The following ACOT9 variants were observed in gnomAD, a reference collection of about 807,000 sequenced individuals.
The protein encoded by ACOT9 is acyl-CoA thioesterase 9.
A neutral mutation model predicts 39.7 loss-of-function variants in ACOT9; 34 were observed. The observed-to-expected ratio is 0.86, with a 90% CI of 0.65 to 1.14. The LOEUF (loss-of-function observed/expected upper bound fraction) is 1.14, where lower values mean the gene tolerates loss of function less well. Among genes scored for constraint, ACOT9 ranks in the 50% most tolerant of loss-of-function variants. ACOT9 has a pLI of 0.00. For synonymous variants in ACOT9, 110 were observed against 120.5 expected, an observed-to-expected ratio of 0.91 and a Z score of 0.57; for missense variants, 313 against 344.1, an observed-to-expected ratio of 0.91 and a Z score of 0.71.
intron 6 of ACOT9, among the ~76,000 whole-genome samples, chrX:23,727,577 G>A (rs1007758019): frequency 4.6e-5 from 5 of 109,763 alleles, no homozygotes; most frequent in Non-Finnish European, 9.5e-5. Context: ...CTCCTGCCTC[G>A]ATCTCCCAAA....
At chrX:23,731,734 G>T (rs1277523868) in intron 4 of ACOT9, among the ~76,000 whole-genome samples, 1 of 109,256 alleles carries the variant, frequency 9.2e-6, no homozygotes, top group Non-Finnish European at 1.9e-5. Context: ...CTCTCTCTCT[G>T]CCTTCAATTT....
In ACOT9 at chrX:23,743,181, C is replaced by A. The variant is rs2146868628; in HGVS notation, c.-37G>T. The A allele has an allele frequency of 1.7e-6, 2 of 1,146,713 alleles. No homozygotes were observed. Among genetic ancestry groups the A allele is most frequent in the Non-Finnish European group, 1.2e-6 (1 of 861,454 alleles). The allele number at this position is 1,146,713 out of a possible 1,213,427, so 94.5% of individuals were successfully genotyped here. ...GCCGTGCGCGCGATGGAGAACCGGG[C>A]CCCGCGCGCTAGTCGGCGGAGGGAA... On this transcript the variant is annotated 5_prime_UTR_variant, in exon 1 of 16. Transcript: ENST00000379303.
chrX:23,731,089 G>T (rs1020391104), intron 4 of ACOT9, 103 bp from the exon 5 acceptor site: 7 of 655,957 alleles, frequency 1.1e-5, no homozygotes, highest in Non-Finnish European at 1.5e-5. Context: ...GAAAAAGAAG[G>T]TCTGGGCCTA....
intron 8 of ACOT9, among the ~76,000 whole-genome samples, chrX:23,720,212 T>C (rs1424830691): frequency 8.9e-6 from 1 of 112,580 alleles, no homozygotes; most frequent in African/African-American, 3.2e-5. Context: ...TTATCCTCTT[T>C]GAGGTACTTT....
intron 1 of ACOT9, among the ~76,000 whole-genome samples, chrX:23,740,717 T>TACATACAC (rs1386354861): frequency 1.1e-5 from 1 of 92,063 alleles, no homozygotes; most frequent in Non-Finnish European, 2.2e-5. Flanking sequence ...CCCCAATACA[T>TACATACAC]ACACACACAC....
At chrX:23,740,510 TCA>T (rs1160401649) in intron 1 of ACOT9, among the ~76,000 whole-genome samples, 2 of 110,282 alleles carry the variant, frequency 1.8e-5, no homozygotes, top group Non-Finnish European at 3.8e-5. Flanking sequence ...ACATTTTTGC[TCA>T]CACACACAAT....
At chrX:23,718,124 T>C (rs939945072) in intron 8 of ACOT9, among the ~76,000 whole-genome samples, 4 of 110,872 alleles carry the variant, frequency 3.6e-5, no homozygotes, top group African/African-American at 6.6e-5. Flanking sequence ...GGTTACTGTG[T>C]GATAGGCACT....
chrX:23,706,735 G>A lies in ACOT9; in HGVS notation c.735C>T (p.Asn245=). The A allele has an allele frequency of 3.4e-6, 4 of 1,162,803 alleles. No homozygotes were observed. Among genetic ancestry groups the A allele is most frequent in the Non-Finnish European group, 4.7e-6 (4 of 855,258 alleles). ...EEELFRQGEL[N]KGRRIAFSST... ...AGCTGAAGGCAATTCTTCTCCCCTTGTTCACTGGAACAAGGGAGAATAAGG... is the reference window on the plus strand; with the variant it reads ...AGCTGAAGGCAATTCTTCTCCCCTTATTCACTGGAACAAGGGAGAATAAGG... The change falls in exon 11 of 16, where the codon AAC becomes AAT. Residue 245 remains asparagine (N), a synonymous_variant. Coordinates refer to ENST00000379303, the MANE Select transcript of ACOT9 (RefSeq NM_001037171.2).
At chrX:23,725,598 C>G (rs973219548) in intron 6 of ACOT9, among the ~76,000 whole-genome samples, 2 of 102,789 alleles carry the variant, frequency 1.9e-5, no homozygotes, top group Non-Finnish European at 4.0e-5. Context: ...TGGGGGGATC[C>G]CTTGAGTCCA....
chrX:23,714,508 C>T (rs367811537), intron 8 of ACOT9, among the ~76,000 whole-genome samples: 7 of 111,784 alleles, frequency 6.3e-5, no homozygotes, highest in East Asian at 5.6e-4. Context: ...ATTAGGAATG[C>T]TCAACCAGTA....
chrX:23,739,299 T>C (rs1930054425), intron 1 of ACOT9, among the ~76,000 whole-genome samples: 1 of 111,219 alleles, frequency 9.0e-6, no homozygotes, highest in African/African-American at 3.3e-5. Flanking sequence ...ACAAGTTACC[T>C]AACCTCCCTG....
intron 8 of ACOT9, among the ~76,000 whole-genome samples, chrX:23,721,236 G>A (rs1390868468): frequency 1.8e-5 from 2 of 110,168 alleles, no homozygotes; most frequent in South Asian, 3.9e-4. Flanking sequence ...GATTACAGGC[G>A]TGCACCACCA....
chrX:23,740,306 C>T (rs1373503104), intron 1 of ACOT9, among the ~76,000 whole-genome samples: 2 of 109,784 alleles, frequency 1.8e-5, no homozygotes, highest in Admixed American at 2.0e-4. Flanking sequence ...AGGGCTTCAC[C>T]ATGTTGACCA....
chrX:23,706,552 C>G (rs1339350272), intron 11 of ACOT9, 76 bp downstream of exon 11: 26 of 558,619 alleles, frequency 4.7e-5, no homozygotes, highest in Admixed American at 1.8e-4. Context: ...GAGCGAAACT[C>G]CGTCTCAAAA....
intron 6 of ACOT9, among the ~76,000 whole-genome samples, chrX:23,727,761 G>A (rs1166495542): frequency 9.3e-6 from 1 of 107,337 alleles, no homozygotes; most frequent in Non-Finnish European, 1.9e-5. Flanking sequence ...CACTTTGGGA[G>A]GCCGAGGCAG....
intron 2 of ACOT9, among the ~76,000 whole-genome samples, chrX:23,735,240 C>CAA (rs35950361): frequency 8.2e-4 from 24 of 29,167 alleles, no homozygotes; most frequent in East Asian, 1.5e-3. Flanking sequence ...GACTCCATCC[C>CAA]AAAAAAAAAA....
intron 9 of ACOT9, 139 bp downstream of exon 9, chrX:23,712,991 TTAAAA>T: frequency 2.1e-6 from 1 of 471,011 alleles, no homozygotes; most frequent in East Asian, 4.0e-5. Context: ...GGGATTTGCC[TTAAAA>T]TAAAAATGGC....
Position 23,703,192 on chromosome X carries a change from G to C in ACOT9, c.*702C>G, listed in dbSNP as rs1928538631. Reference sequence around the variant, plus strand: ...GCAAAGGAATCATGTACGGCTGATGGGATTTAGACAGCACAGAGCAAGTGG... The same window carrying C: ...GCAAAGGAATCATGTACGGCTGATGCGATTTAGACAGCACAGAGCAAGTGG... On this transcript the variant is annotated 3_prime_UTR_variant, in exon 16 of 16. Transcript: ENST00000379303. The C allele has an allele frequency of 8.9e-6, 1 of 111,826 alleles. No individual in the cohort carries two copies. The highest frequency in any genetic ancestry group is 1.9e-5 in the Non-Finnish European group (1 of 53,226). The allele number at this position is 111,826 out of a possible 1,213,427, so 9.2% of individuals were successfully genotyped here.
intron 1 of ACOT9, among the ~76,000 whole-genome samples, chrX:23,736,907 A>G (rs1050508310): frequency 6.2e-5 from 7 of 112,413 alleles, no homozygotes; most frequent in African/African-American, 2.3e-4. Flanking sequence ...TTGCTTAAGC[A>G]TTGACTCCTA....
Sources: allele counts gnomAD v4.1 joint callset (sites outside exome capture counted in the v4.1 genomes callset), GRCh38; gene constraint gnomAD v4.1.1; transcripts MANE v1.5; gene names NCBI Gene and HGNC (gene_info 2026-07-23, HGNC 2026-07-21).